LRP1B: variants seen among roughly 807,000 people sequenced by gnomAD.
LRP1B encodes low-density lipoprotein receptor-related protein 1B.
Under a neutral mutation model 556.6 loss-of-function variants are expected in LRP1B, and 217 were observed. The ratio of observed to expected loss-of-function variants is 0.39; its 90% CI spans 0.35 to 0.44. LRP1B has a LOEUF of 0.44. Among genes scored for constraint, LRP1B ranks in the 20% least tolerant of loss-of-function variants. LRP1B has a pLI of 1.00. For missense variants in LRP1B, 5,053 were observed against 5,620.8 expected, an observed-to-expected ratio of 0.90 and a Z score of 3.23; for synonymous variants, 2,047 against 1,865.8, an observed-to-expected ratio of 1.10 and a Z score of -2.50.
At chr2:140,989,407 T>C in intron 17 of LRP1B, 125 bp downstream of exon 17, 1 of 983,866 alleles carries the variant, frequency 1.0e-6, no homozygotes. Context: ...TCTGAATTCA[T>C]TTACTACTGC....
At chr2:141,655,132 C>A (rs568664763) in intron 2 of LRP1B, among the ~76,000 whole-genome samples, 1 of 152,046 alleles carries the variant, frequency 6.6e-6, no homozygotes, top group African/African-American at 2.4e-5. Context: ...GACTGAGGAG[C>A]GTAAGTATTG....
intron 41 of LRP1B, among the ~76,000 whole-genome samples, chr2:140,693,157 G>T (rs545886142): frequency 1.3e-5 from 2 of 151,918 alleles, no homozygotes; most frequent in Non-Finnish European, 2.9e-5. Flanking sequence ...ATATCATATT[G>T]TGTTAATTAC....
chr2:140,567,144 C>G (rs1226213383), intron 43 of LRP1B, among the ~76,000 whole-genome samples: 1 of 152,138 alleles, frequency 6.6e-6, no homozygotes, highest in African/African-American at 2.4e-5. Flanking sequence ...TTCCCTAAAG[C>G]TCGACTAGAC....
intron 7 of LRP1B, among the ~76,000 whole-genome samples, chr2:141,093,287 T>G (rs562554858): frequency 1.3e-5 from 2 of 152,082 alleles, no homozygotes; most frequent in Non-Finnish European, 2.9e-5. Flanking sequence ...ATTGAGGTGG[T>G]TGCACATGGA....
intron 41 of LRP1B, among the ~76,000 whole-genome samples, chr2:140,657,853 T>A (rs1574203271): frequency 6.6e-6 from 1 of 152,140 alleles, no homozygotes; most frequent in South Asian, 2.1e-4. Context: ...GCCTGGAATT[T>A]GTTTCGAAGT....
At chr2:141,691,485 C>CAT (rs1176485012) in intron 2 of LRP1B, among the ~76,000 whole-genome samples, 1 of 151,298 alleles carries the variant, frequency 6.6e-6, no homozygotes, top group Non-Finnish European at 1.5e-5. Context: ...CACACACACA[C>CAT]GTTGCAAGGC....
chr2:140,841,896 C>T (rs1195347780), intron 29 of LRP1B, among the ~76,000 whole-genome samples: 1 of 146,824 alleles, frequency 6.8e-6, no homozygotes, highest in Non-Finnish European at 1.5e-5. Flanking sequence ...ATAAAGTAGG[C>T]CAGTTTAGTG....
intron 41 of LRP1B, among the ~76,000 whole-genome samples, chr2:140,638,832 T>C (rs1488367681): frequency 6.6e-6 from 1 of 151,624 alleles, no homozygotes; most frequent in Non-Finnish European, 1.5e-5. Flanking sequence ...CAAAATTATA[T>C]ATGTGTATAT....
intron 20 of LRP1B, among the ~76,000 whole-genome samples, chr2:140,943,270 C>T (rs1398271053): frequency 6.6e-6 from 1 of 151,814 alleles, no homozygotes; most frequent in Non-Finnish European, 1.5e-5. Context: ...ATTAGGGCAC[C>T]CAATTACTTC....
chr2:140,850,095 C>A lies in LRP1B; in HGVS notation c.4939+7G>T, dbSNP rs1447604642. ...TTTTAAAGTTGTAACATGTACGAAT[C>A]TTTTACCTCTTGAAATAACAGTTTC... On this transcript the variant is annotated splice_region_variant and intron_variant, in intron 29 of 90. Transcript: ENST00000389484. The A allele has an allele frequency of 3.8e-6, 6 of 1,560,290 alleles. No individual in the cohort carries two copies. The Admixed American group carries it at 8.4e-5, about 22-fold the overall frequency.
At chr2:141,098,108 A>G (rs1312970561) in intron 7 of LRP1B, among the ~76,000 whole-genome samples, 5 of 152,204 alleles carry the variant, frequency 3.3e-5, no homozygotes, top group Non-Finnish European at 5.9e-5. Context: ...AAGTGAGATA[A>G]ATATGAAAGC....
chr2:140,819,166 T>C (rs576336617), intron 31 of LRP1B, among the ~76,000 whole-genome samples: 4 of 152,236 alleles, frequency 2.6e-5, no homozygotes, highest in Admixed American at 2.6e-4. Flanking sequence ...ATGGAAAGCA[T>C]GAAATAAATG....
In LRP1B at chr2:141,345,722, C is replaced by T. The variant is rs1245541003; in HGVS notation, c.344-91081G>A. 3.5e-5 allele frequency among the ~76,000 whole-genome samples: 5 copies of T among 142,368 alleles called. No homozygotes were observed. In the Admixed American group the frequency reaches 3.7e-4, roughly 10 times the overall value. The allele number at this position is 142,368 out of a possible 152,430, so 93.4% of individuals were successfully genotyped here. A position where few individuals can be genotyped will look rare whatever the true frequency, so the allele number is the denominator to read the frequency against. On this transcript the variant is annotated intron_variant, in intron 3 of 90. Coordinates refer to ENST00000389484, the MANE Select transcript of LRP1B (RefSeq NM_018557.3). ...GTTTTCCTATTTTGCCCAGGCTGGTCTTGAACCACTGGCCTCAAGTGATCC... is the reference window on the plus strand; with the variant it reads ...GTTTTCCTATTTTGCCCAGGCTGGTTTTGAACCACTGGCCTCAAGTGATCC...
Position 140,313,337 on chromosome 2 carries a change from G to A in LRP1B, c.12805+1598C>T, listed in dbSNP as rs143807947. ...TACAATTGTGTGCACAGACAAAATCGAACTACAGATTTTGAGCATGCATTA... is the reference window on the plus strand; with the variant it reads ...TACAATTGTGTGCACAGACAAAATCAAACTACAGATTTTGAGCATGCATTA... On this transcript the variant is annotated intron_variant, in intron 83 of 90. Transcript: ENST00000389484. Among the ~76,000 whole-genome samples the A allele has an allele frequency of 3.9e-3, 594 of 151,722 alleles. 1 individual carries two copies. The highest frequency in any genetic ancestry group is 0.011 in the African/African-American group (454 of 41,446).
intron 41 of LRP1B, among the ~76,000 whole-genome samples, chr2:140,608,331 T>G (rs17807320): frequency 0.052 from 7,920 of 152,258 alleles, 219 homozygotes; most frequent in Middle Eastern, 0.085. Flanking sequence ...TTCCAGTGAA[T>G]GAGAACACCT....
chr2:140,665,881 C>T (rs1024951663), intron 41 of LRP1B, among the ~76,000 whole-genome samples: 4 of 151,952 alleles, frequency 2.6e-5, no homozygotes, highest in African/African-American at 9.7e-5. Context: ...TACTGCTAAT[C>T]TGAATTTTAA....
chr2:141,082,761 T>C (rs1699956449), intron 7 of LRP1B, among the ~76,000 whole-genome samples: 1 of 152,178 alleles, frequency 6.6e-6, no homozygotes, highest in South Asian at 2.1e-4. Flanking sequence ...ATCCAATGTT[T>C]GTGATTCTGA....
intron 1 of LRP1B, among the ~76,000 whole-genome samples, chr2:141,881,521 A>G (rs532005072): frequency 6.6e-6 from 1 of 152,236 alleles, no homozygotes; most frequent in East Asian, 1.9e-4. Context: ...GGAGTTTGGG[A>G]AAAATACAGT....
intron 1 of LRP1B, among the ~76,000 whole-genome samples, chr2:142,099,102 G>A (rs1706480099): frequency 6.6e-6 from 1 of 151,786 alleles, no homozygotes; most frequent in Non-Finnish European, 1.5e-5. Flanking sequence ...AATGGCACAA[G>A]TTGATATCCA....
Sources: gnomAD v4.1 joint callset for allele counts (sites outside exome capture counted in the v4.1 genomes callset) on GRCh38, gnomAD v4.1.1 for gene constraint, MANE v1.5 for transcripts, NCBI Gene and HGNC (gene_info 2026-07-23, HGNC 2026-07-21) for gene names.